NCK2: variants seen among roughly 807,000 people sequenced by gnomAD.
The protein encoded by NCK2 is cytoplasmic protein NCK2.
NCK2 carries 16 observed loss-of-function variants against 33.9 expected under a neutral mutation model. The observed-to-expected ratio is 0.47, with a 90% CI of 0.32 to 0.72. The LOEUF is 0.72. Ranked by LOEUF, NCK2 falls within the 30% of genes least tolerant of loss-of-function variation. NCK2 has a pLI of 0.03. For synonymous variants in NCK2, 273 were observed against 239.9 expected (o/e 1.14, Z -1.27); for missense variants, 418 against 537.3 (o/e 0.78, Z 2.19).
chr2:105,779,994 TGGGTTATTTAATTC>T (rs1690435820), intron 1 of NCK2, among the ~76,000 whole-genome samples: 1 of 152,170 alleles, frequency 6.6e-6, no homozygotes, highest in Non-Finnish European at 1.5e-5. Flanking sequence ...TGTGCTTCCT[TGGGTTATTTAATTC>T]AATTCTACTC....
chr2:105,813,859 C>T (rs1199530260), intron 1 of NCK2, among the ~76,000 whole-genome samples: 2 of 152,230 alleles, frequency 1.3e-5, no homozygotes, highest in African/African-American at 2.4e-5. Flanking sequence ...GAGATACGTA[C>T]GGTATCAGTG....
At chr2:105,813,961 C>T (rs1286605233) in intron 1 of NCK2, among the ~76,000 whole-genome samples, 2 of 152,194 alleles carry the variant, frequency 1.3e-5, no homozygotes, top group African/African-American at 4.8e-5. Context: ...CACACTCCTT[C>T]TGTATATTCC....
chr2:105,855,462 T>A, intron 3 of NCK2, 173 bp downstream of exon 3: 2 of 585,484 alleles, frequency 3.4e-6, no homozygotes, highest in Non-Finnish European at 5.9e-6. Flanking sequence ...AGAAAGAGGA[T>A]GTTTTTCATT....
chr2:105,883,582 G>A (rs1283875492), intron 4 of NCK2, among the ~76,000 whole-genome samples: 5 of 152,122 alleles, frequency 3.3e-5, no homozygotes, highest in Admixed American at 6.5e-5. Context: ...GGTGTTCTCC[G>A]GGGTTGCTGG....
At chr2:105,876,948 G>A (rs1372588382) in intron 3 of NCK2, among the ~76,000 whole-genome samples, 3 of 152,136 alleles carry the variant, frequency 2.0e-5, no homozygotes, top group African/African-American at 7.2e-5. Context: ...CCGTCTCCCA[G>A]ACATGCATGA....
intron 1 of NCK2, among the ~76,000 whole-genome samples, chr2:105,773,551 G>GT (rs1329221910): frequency 3.9e-5 from 6 of 152,138 alleles, no homozygotes; most frequent in Admixed American, 3.9e-4. Context: ...CATACTTCAT[G>GT]TCTTTCCTTC....
chr2:105,856,285 T>G (rs773315347), intron 3 of NCK2, among the ~76,000 whole-genome samples: 13 of 152,026 alleles, frequency 8.6e-5, no homozygotes, highest in Non-Finnish European at 1.9e-4. Flanking sequence ...AGAAAATAAT[T>G]GCGAGGACTT....
intron 1 of NCK2, among the ~76,000 whole-genome samples, chr2:105,762,705 A>G (rs114247150): frequency 3.7e-4 from 57 of 152,342 alleles, no homozygotes; most frequent in Non-Finnish European, 1.3e-4. Flanking sequence ...CCTGTTACAT[A>G]ATAGTGATGC....
chr2:105,796,813 A>G (rs928977931), intron 1 of NCK2, among the ~76,000 whole-genome samples: 4 of 152,188 alleles, frequency 2.6e-5, no homozygotes, highest in Admixed American at 6.5e-5. Context: ...ATTTGATTCC[A>G]TGGAAAGGAA....
chr2:105,862,698 A>T (rs895888378), intron 3 of NCK2, among the ~76,000 whole-genome samples: 1 of 152,246 alleles, frequency 6.6e-6, no homozygotes, highest in Non-Finnish European at 1.5e-5. Context: ...ACTGATTTTG[A>T]TGAATGCCCT....
intron 2 of NCK2, among the ~76,000 whole-genome samples, chr2:105,836,265 C>A (rs1289873117): frequency 1.3e-5 from 2 of 151,612 alleles, no homozygotes; most frequent in Non-Finnish European, 2.9e-5. Context: ...GAGTATCTTT[C>A]ATAGGGAACA....
At chr2:105,750,069 A>ACACACACACACACACACAC (rs1558820044) in intron 1 of NCK2, among the ~76,000 whole-genome samples, 3 of 56,648 alleles carry the variant, frequency 5.3e-5, no homozygotes, top group Non-Finnish European at 1.3e-4. Context: ...CACACACACA[A>ACACACACACACACACACAC]AACAACAACA....
chr2:105,766,651 A>G lies in NCK2; in HGVS notation c.-201+21513A>G, dbSNP rs1238810895. Among the ~76,000 whole-genome samples the G allele has an allele frequency of 3.9e-5, 6 of 151,968 alleles. No individual in the cohort carries two copies. In the East Asian group the frequency reaches 9.7e-4, roughly 25 times the overall value. ...GTTTTCTTTTTCTCCACTGCTTTGTATCTGTTGACTTGTCACCTTTCAGGG... is the reference window on the plus strand; with the variant it reads ...GTTTTCTTTTTCTCCACTGCTTTGTGTCTGTTGACTTGTCACCTTTCAGGG... On this transcript the variant is annotated intron_variant, in intron 1 of 4. Coordinates refer to ENST00000233154, the MANE Select transcript of NCK2 (RefSeq NM_003581.5).
In NCK2 at chr2:105,806,773, C is replaced by T. The variant is rs139664702; in HGVS notation, c.-200-9657C>T. On this transcript the variant is annotated intron_variant, in intron 1 of 4. Transcript: ENST00000233154. ...AGGATAACATGCAGTGCGGTATTTT[C>T]AGTTTCTTAGAAGCAAATCCCATTC... Among the ~76,000 whole-genome samples the T allele has an allele frequency of 8.2e-3, 1,250 of 152,176 alleles. 6 individuals are homozygous for T. Among genetic ancestry groups the T allele is most frequent in the Non-Finnish European group, 0.014 (950 of 68,000 alleles).
intron 1 of NCK2, among the ~76,000 whole-genome samples, chr2:105,784,859 C>T (rs1690620888): frequency 6.6e-6 from 1 of 152,226 alleles, no homozygotes; most frequent in Non-Finnish European, 1.5e-5. Context: ...GAATAGGATA[C>T]ACGAGTAAAG....
chr2:105,794,626 C>G (rs921020592), intron 1 of NCK2, among the ~76,000 whole-genome samples: 9 of 152,054 alleles, frequency 5.9e-5, no homozygotes, highest in Admixed American at 5.9e-4. Context: ...GCCACCAACT[C>G]AATTTATAGT....
At chr2:105,814,179 C>A (rs981634870) in intron 1 of NCK2, among the ~76,000 whole-genome samples, 4 of 152,184 alleles carry the variant, frequency 2.6e-5, no homozygotes, top group African/African-American at 9.7e-5. Context: ...AGCTAAGAGC[C>A]CCATGTTAAA....
intron 1 of NCK2, among the ~76,000 whole-genome samples, chr2:105,783,464 G>A (rs928429562): frequency 1.3e-5 from 2 of 152,132 alleles, no homozygotes; most frequent in African/African-American, 4.8e-5. Flanking sequence ...ATGCAGCGTT[G>A]CCTGTCTGAG....
At chr2:105,874,597 A>G (rs930187824) in intron 3 of NCK2, among the ~76,000 whole-genome samples, 1 of 152,254 alleles carries the variant, frequency 6.6e-6, no homozygotes, top group Non-Finnish European at 1.5e-5. Context: ...ACTTGAGCAC[A>G]CCGCGTCTAA....
Sources: allele counts gnomAD v4.1 joint callset (sites outside exome capture counted in the v4.1 genomes callset), GRCh38; gene constraint gnomAD v4.1.1; transcripts MANE v1.5; gene names NCBI Gene and HGNC (gene_info 2026-07-23, HGNC 2026-07-21).